CABCOCO1: variants seen among roughly 807,000 people sequenced by gnomAD.
CABCOCO1 encodes the protein ciliary-associated calcium-binding coiled-coil protein 1.
CABCOCO1 carries 28 observed loss-of-function variants against 35.7 expected under a neutral mutation model. The ratio of observed to expected loss-of-function variants is 0.78; its 90% CI spans 0.58 to 1.07. The LOEUF is 1.07. Ranked by LOEUF, CABCOCO1 falls within the 50% of genes least tolerant of loss-of-function variation. CABCOCO1 has a pLI of 0.00. For missense variants in CABCOCO1, 326 were observed against 309.2 expected, an observed-to-expected ratio of 1.05 and a Z score of -0.41; for synonymous variants, 95 against 100.1, an observed-to-expected ratio of 0.95 and a Z score of 0.30.
At chr10:61,665,570 T>C (rs1410434788) in intron 1 of CABCOCO1, among the ~76,000 whole-genome samples, 2 of 152,142 alleles carry the variant, frequency 1.3e-5, no homozygotes, top group East Asian at 1.9e-4. Flanking sequence ...TTTCATATAG[T>C]GACTTTTTTT....
chr10:61,699,744 G>T (rs1159316164), intron 5 of CABCOCO1, among the ~76,000 whole-genome samples: 3 of 151,830 alleles, frequency 2.0e-5, no homozygotes, highest in Non-Finnish European at 4.4e-5. Flanking sequence ...TAAATGTCTT[G>T]TTCAAAAATA....
intron 5 of CABCOCO1, among the ~76,000 whole-genome samples, chr10:61,754,479 A>C (rs1158335498): frequency 6.6e-6 from 1 of 152,156 alleles, no homozygotes; most frequent in Admixed American, 6.6e-5. Context: ...AGGAATACTC[A>C]GATTTCTTTC....
At chr10:61,746,722 T>C (rs1339995418) in intron 5 of CABCOCO1, among the ~76,000 whole-genome samples, 1 of 152,198 alleles carries the variant, frequency 6.6e-6, no homozygotes, top group Non-Finnish European at 1.5e-5. Context: ...AGAAAATAAA[T>C]TTCACTGTCA....
intron 5 of CABCOCO1, among the ~76,000 whole-genome samples, chr10:61,699,183 GACTA>G (rs1345937047): frequency 6.6e-6 from 1 of 152,110 alleles, no homozygotes; most frequent in Non-Finnish European, 1.5e-5. Context: ...TGGCATGTGT[GACTA>G]ACTGACTTTA....
At chr10:61,688,407 C>T (rs146987398) in intron 4 of CABCOCO1, among the ~76,000 whole-genome samples, 61 of 152,242 alleles carry the variant, frequency 4.0e-4, no homozygotes, top group African/African-American at 1.4e-3. Context: ...ATGCCCTTAA[C>T]ACACTCTGTC....
chr10:61,712,555 T>C (rs1840756989), intron 5 of CABCOCO1, among the ~76,000 whole-genome samples: 2 of 152,158 alleles, frequency 1.3e-5, no homozygotes, highest in African/African-American at 4.8e-5. Flanking sequence ...TTGCTTTTGG[T>C]GTTTTAGTCA....
At chr10:61,699,593 T>G (rs1840394640) in intron 5 of CABCOCO1, among the ~76,000 whole-genome samples, 1 of 152,120 alleles carries the variant, frequency 6.6e-6, no homozygotes, top group Non-Finnish European at 1.5e-5. Flanking sequence ...TCTAACATTT[T>G]GCTACCAACC....
At chr10:61,716,300 G>C (rs971193344) in intron 5 of CABCOCO1, among the ~76,000 whole-genome samples, 1 of 152,138 alleles carries the variant, frequency 6.6e-6, no homozygotes, top group Non-Finnish European at 1.5e-5. Context: ...CAGGGAGGAA[G>C]CAGAAGCTGC....
intron 5 of CABCOCO1, among the ~76,000 whole-genome samples, chr10:61,721,392 G>A (rs1841017227): frequency 6.6e-6 from 1 of 152,124 alleles, no homozygotes; most frequent in Non-Finnish European, 1.5e-5. Flanking sequence ...TAGACATCAG[G>A]AAGAAGCACC....
At chr10:61,671,324 C>CA (rs1404559573) in intron 1 of CABCOCO1, among the ~76,000 whole-genome samples, 2,917 of 126,260 alleles carry the variant, frequency 0.023, 84 homozygotes, top group African/African-American at 0.075. Context: ...GGCTCCGTCT[C>CA]AAAAAAAAAA....
At chr10:61,719,367 T>A (rs1313134944) in intron 5 of CABCOCO1, among the ~76,000 whole-genome samples, 1 of 152,114 alleles carries the variant, frequency 6.6e-6, no homozygotes, top group Non-Finnish European at 1.5e-5. Flanking sequence ...TTAGACAATA[T>A]TGAGAGTACA....
Position 61,702,615 on chromosome 10 carries a change from T to A in CABCOCO1, c.552+11994T>A, listed in dbSNP as rs914779385. On this transcript the variant is annotated intron_variant, in intron 5 of 7. Transcript: ENST00000648843. ...ATATATTTTTATTGATCGCTTTTTT[T>A]AAAAAAGAAGATTTTGATCACAGTT... Among the ~76,000 whole-genome samples, 15 of 152,260 alleles carry A rather than the reference T, an allele frequency of 9.9e-5. No individual in the cohort carries two copies. The South Asian group carries it at 2.5e-3, about 25-fold the overall frequency.
chr10:61,681,284 A>G lies in CABCOCO1; in HGVS notation c.306A>G (p.Leu102=), dbSNP rs778658440. 2 of 1,566,696 alleles carry G rather than the reference A, an allele frequency of 1.3e-6. No homozygotes were observed. Among genetic ancestry groups the G allele is most frequent in the African/African-American group, 1.4e-5 (1 of 73,138 alleles). The part of the protein sequence containing the change: ...SIIQYSKFMT[L]LAMSLQNLKT... ...TTCAGTATTCAAAATTTATGACTTT[A>G]CTAGCTATGTCACTTCAAAATCTTA... Residue 102 remains leucine, a synonymous_variant, in exon 3 of 8, where the codon TTA becomes TTG. Transcript: ENST00000648843.
intron 5 of CABCOCO1, among the ~76,000 whole-genome samples, chr10:61,695,883 A>T (rs1159498700): frequency 6.6e-6 from 1 of 152,152 alleles, no homozygotes; most frequent in Non-Finnish European, 1.5e-5. Flanking sequence ...TTTTTAGATC[A>T]AAAAAATAAG....
Position 61,690,577 on chromosome 10 carries a change from T to C in CABCOCO1, c.508T>C (p.Phe170Leu), listed in dbSNP as rs1840106580. ...SLFQHYKLYEFMFYSAREEIV... is the reference protein window; with the variant it reads ...SLFQHYKLYELMFYSAREEIV... ...ATTTCAACACTACAAGCTATACGAG[T>C]TTATGTTCTACTCTGCCAGGGAAGA... The change falls in exon 5 of 8, where the codon TTT becomes CTT. Residue 170 changes from phenylalanine (F) to leucine (L), a missense_variant. Physicochemically the swap from Phe to Leu is conservative, Grantham distance 22 (BLOSUM62 0). Transcript: ENST00000648843. 2 of 1,606,912 alleles carry C rather than the reference T, an allele frequency of 1.2e-6. No homozygotes were observed. Among genetic ancestry groups the C allele is most frequent in the Non-Finnish European group, 8.5e-7 (1 of 1,174,518 alleles).
intron 5 of CABCOCO1, among the ~76,000 whole-genome samples, chr10:61,703,827 T>C (rs1840527161): frequency 6.6e-6 from 1 of 152,114 alleles, no homozygotes; most frequent in Non-Finnish European, 1.5e-5. Context: ...CTACATATCT[T>C]TAGCTTTCTT....
chr10:61,669,020 GAA>G (rs200867627), intron 1 of CABCOCO1, among the ~76,000 whole-genome samples: 7 of 102,466 alleles, frequency 6.8e-5, no homozygotes, highest in East Asian at 4.7e-4. Context: ...AAGGGTTGGG[GAA>G]AAAAAAAAAA....
At chr10:61,706,827 T>C (rs987572865) in intron 5 of CABCOCO1, among the ~76,000 whole-genome samples, 10 of 152,084 alleles carry the variant, frequency 6.6e-5, no homozygotes, top group Non-Finnish European at 1.3e-4. Context: ...TCACAGGTTA[T>C]AGTTTCTGTC....
intron 5 of CABCOCO1, among the ~76,000 whole-genome samples, chr10:61,726,922 G>T (rs563351556): frequency 4.2e-4 from 62 of 148,950 alleles, no homozygotes; most frequent in South Asian, 2.6e-3. Flanking sequence ...AAAGTACCAA[G>T]TATGGTGGCA....
Sources: gnomAD v4.1 joint callset for allele counts (sites outside exome capture counted in the v4.1 genomes callset) on GRCh38, gnomAD v4.1.1 for gene constraint, MANE v1.5 for transcripts, NCBI Gene and HGNC (gene_info 2026-07-23, HGNC 2026-07-21) for gene names.